Variants in GRID2 observed in about 807,000 individuals in gnomAD.
GRID2 encodes glutamate receptor ionotropic, delta-2.
GRID2 carries 33 observed loss-of-function variants against 114.8 expected under a neutral mutation model. The observed-to-expected ratio is 0.29, with a 90% confidence interval of 0.22 to 0.38. The LOEUF is 0.38. GRID2 is among the 10% of genes least tolerant of loss of function. GRID2 has a pLI of 1.00. For synonymous variants in GRID2, 505 were observed against 449.9 expected, an observed-to-expected ratio of 1.12 and a Z score of -1.55; for missense variants, 1,184 against 1,257.7, an observed-to-expected ratio of 0.94 and a Z score of 0.89.
chr4:92,679,004 T>A (rs1345609839), intron 2 of GRID2, among the ~76,000 whole-genome samples: 1 of 151,584 alleles, frequency 6.6e-6, no homozygotes, highest in Non-Finnish European at 1.5e-5. Flanking sequence ...CCCAGTATCT[T>A]ATAGTAGAGA....
chr4:92,807,086 C>T (rs1041530021), intron 2 of GRID2, among the ~76,000 whole-genome samples: 6 of 151,838 alleles, frequency 4.0e-5, no homozygotes, highest in African/African-American at 9.7e-5. Context: ...CATATTCATC[C>T]AATATTGTTC....
At chr4:92,630,425 C>T (rs962345736) in intron 2 of GRID2, among the ~76,000 whole-genome samples, 1 of 152,124 alleles carries the variant, frequency 6.6e-6, no homozygotes, top group East Asian at 1.9e-4. Context: ...TTCTGCCCCA[C>T]GAAAACCTTC....
chr4:93,433,569 T>A (rs1720786000), intron 10 of GRID2, among the ~76,000 whole-genome samples: 1 of 152,156 alleles, frequency 6.6e-6, no homozygotes, highest in Admixed American at 6.6e-5. Flanking sequence ...AAAACAAGTA[T>A]ATTTTTTGCC....
intron 4 of GRID2, among the ~76,000 whole-genome samples, chr4:93,149,490 T>C (rs1462571162): frequency 1.3e-5 from 2 of 151,436 alleles, no homozygotes; most frequent in African/African-American, 4.9e-5. Flanking sequence ...GCAGGAGAAT[T>C]GCTTGAATAC....
intron 13 of GRID2, among the ~76,000 whole-genome samples, chr4:93,576,551 A>G (rs1264480176): frequency 6.6e-6 from 1 of 152,226 alleles, no homozygotes; most frequent in Non-Finnish European, 1.5e-5. Context: ...TAAAAACCTG[A>G]TAAGTATCAC....
At chr4:93,466,590 A>T (rs1050549626) in intron 11 of GRID2, among the ~76,000 whole-genome samples, 1 of 152,152 alleles carries the variant, frequency 6.6e-6, no homozygotes. Flanking sequence ...GGTCATTACC[A>T]TGGAAAGGGG....
At chr4:93,527,875 C>T (rs1397347556) in intron 13 of GRID2, among the ~76,000 whole-genome samples, 2 of 151,990 alleles carry the variant, frequency 1.3e-5, no homozygotes, top group African/African-American at 4.8e-5. Context: ...CTCCCATTCC[C>T]TCTTCCCCCC....
intron 10 of GRID2, among the ~76,000 whole-genome samples, chr4:93,441,463 C>G (rs1314932169): frequency 6.6e-6 from 1 of 151,056 alleles, no homozygotes; most frequent in African/African-American, 2.4e-5. Flanking sequence ...GTAGTTGATG[C>G]AATATATAAT....
intron 14 of GRID2, among the ~76,000 whole-genome samples, chr4:93,758,528 T>C (rs17021087): frequency 0.034 from 5,096 of 149,032 alleles, 154 homozygotes; most frequent in African/African-American, 0.08. Context: ...TTTAGAAGTT[T>C]AGAATTTGTG....
At chr4:92,839,209 ATGACT>A (rs1742691049) in intron 2 of GRID2, among the ~76,000 whole-genome samples, 1 of 151,766 alleles carries the variant, frequency 6.6e-6, no homozygotes, top group Non-Finnish European at 1.5e-5. Context: ...TTTGGTAAAC[ATGACT>A]TGGTGTTGTT....
chr4:92,742,598 C>T (rs1736947224), intron 2 of GRID2, among the ~76,000 whole-genome samples: 1 of 152,282 alleles, frequency 6.6e-6, no homozygotes, highest in East Asian at 1.9e-4. Context: ...TGTCTGTGTA[C>T]AGCAGAAAGT....
At chr4:92,696,661 A>C in intron 2 of GRID2, among the ~76,000 whole-genome samples, 1 of 152,170 alleles carries the variant, frequency 6.6e-6, no homozygotes. Context: ...TAATTACAAT[A>C]AATCTAATCT....
At chr4:93,552,120 A>G (rs1006630582) in intron 13 of GRID2, among the ~76,000 whole-genome samples, 2 of 149,444 alleles carry the variant, frequency 1.3e-5, no homozygotes, top group Non-Finnish European at 1.5e-5. Flanking sequence ...ATGAGTGAGA[A>G]CATGCGGTGT....
intron 2 of GRID2, among the ~76,000 whole-genome samples, chr4:92,750,049 C>T (rs192512174): frequency 1.4e-3 from 213 of 152,206 alleles, no homozygotes; most frequent in African/African-American, 5.0e-3. Flanking sequence ...TTAGTAGAGA[C>T]AGGGTTTCTC....
At chr4:93,349,737 C>T (rs182140256) in intron 8 of GRID2, among the ~76,000 whole-genome samples, 14 of 152,094 alleles carry the variant, frequency 9.2e-5, no homozygotes, top group African/African-American at 3.4e-4. Flanking sequence ...TGTTCCAGGG[C>T]AGGATTATTT....
At chr4:93,778,459 C>T (rs972914822), downstream of GRID2, among the ~76,000 whole-genome samples, 4 of 144,326 alleles carry the variant, frequency 2.8e-5, no homozygotes, top group Non-Finnish European at 4.5e-5. Flanking sequence ...TGCAGTGGCA[C>T]GATCTCGGCT....
chr4:93,237,728 C>T (rs1342817049), intron 7 of GRID2, among the ~76,000 whole-genome samples: 1 of 151,822 alleles, frequency 6.6e-6, no homozygotes, highest in African/African-American at 2.4e-5. Flanking sequence ...GATAAATGAA[C>T]ATCTGTCATA....
At chr4:93,408,680 A>G (rs1408764919) in intron 9 of GRID2, among the ~76,000 whole-genome samples, 1 of 152,100 alleles carries the variant, frequency 6.6e-6, no homozygotes, top group African/African-American at 2.4e-5. Flanking sequence ...ATGTAGTAAT[A>G]TTCCTTTATA....
rs188076192 is a variant in GRID2, at chr4:92,429,199, A to T, written c.88+124455A>T. Among the ~76,000 whole-genome samples, 222 of 152,308 alleles carry T rather than the reference A, an allele frequency of 1.5e-3. 1 individual carries two copies. The highest frequency in any genetic ancestry group is 5.0e-3 in the African/African-American group (208 of 41,562). The stretch of plus-strand genomic sequence containing the variant: ...TGAGATATTTCGATGCAAGCCTACA[A>T]TGCATAATAAGCACATCAGGGTAAA... On this transcript the variant is annotated intron_variant, in intron 1 of 15. Transcript: ENST00000282020.
Sources: gnomAD v4.1 joint callset for allele counts (sites outside exome capture counted in the v4.1 genomes callset) on GRCh38, gnomAD v4.1.1 for gene constraint, MANE v1.5 for transcripts, NCBI Gene and HGNC (gene_info 2026-07-23, HGNC 2026-07-21) for gene names.